Variants in TDRD10 observed in about 807,000 individuals in gnomAD.
The protein encoded by TDRD10 is tudor domain containing 10.
Under a neutral mutation model 48.0 loss-of-function variants are expected in TDRD10, and 40 were observed. That is an observed-to-expected ratio of 0.83 (90% CI 0.65 to 1.09). TDRD10 has a LOEUF of 1.09. Ranked by LOEUF, TDRD10 falls within the 50% of genes least tolerant of loss-of-function variation. The pLI, the probability that TDRD10 is intolerant of heterozygous loss-of-function variation, is 0.00. For missense variants in TDRD10, 378 were observed against 434.7 expected, an observed-to-expected ratio of 0.87 and a Z score of 1.16; for synonymous variants, 162 against 170.4, an observed-to-expected ratio of 0.95 and a Z score of 0.38.
At chr1:154,540,911 A>C (rs55908418) in intron 6 of TDRD10, among the ~76,000 whole-genome samples, 8,085 of 152,296 alleles carry the variant, frequency 0.053, 337 homozygotes, top group Middle Eastern at 0.13. Context: ...GAGGGAGCAG[A>C]GGGAATACTG....
At chr1:154,536,002 T>C (rs190920794) in intron 6 of TDRD10, among the ~76,000 whole-genome samples, 2 of 152,262 alleles carry the variant, frequency 1.3e-5, no homozygotes, top group Non-Finnish European at 2.9e-5. Context: ...GAAGAGCCAC[T>C]GGAGGTTATA....
At chr1:154,510,576 A>G (rs945276892) in intron 4 of TDRD10, among the ~76,000 whole-genome samples, 1 of 152,070 alleles carries the variant, frequency 6.6e-6, no homozygotes, top group African/African-American at 2.4e-5. Context: ...TGGGCGACAG[A>G]GCGAGACTCC....
intron 9 of TDRD10, 49 bp downstream of exon 9, chr1:154,544,159 G>T (rs929910624): frequency 6.2e-7 from 1 of 1,612,368 alleles, no homozygotes. Context: ...TTCCTGCGTG[G>T]CCTCCCTAGG....
intron 6 of TDRD10, 85 bp from the exon 7 acceptor site, chr1:154,541,939 C>A: frequency 2.2e-6 from 3 of 1,389,964 alleles, no homozygotes; most frequent in Non-Finnish European, 1.0e-6. Flanking sequence ...GCTCTGTCTC[C>A]CAGTCTACCT....
intron 6 of TDRD10, among the ~76,000 whole-genome samples, chr1:154,527,263 G>T (rs1039227835): frequency 8.5e-5 from 13 of 152,138 alleles, no homozygotes; most frequent in African/African-American, 3.1e-4. Context: ...CCACAGATAC[G>T]GAAGACCAAT....
Position 154,521,417 on chromosome 1 carries a change from A to C in TDRD10, c.307A>C (p.Asn103His), listed in dbSNP as rs201352821. ...CTTCCACAAGCGAAAACTGTTCGTG[A>C]ATACAAGCAAAAGGCCCCCCAAGAG... ...KLFHKRKLFV[N>H]TSKRPPKRTP... The change falls in exon 6 of 13, where the codon AAT becomes CAT. Residue 103 changes from asparagine to histidine, a missense_variant. Coordinates refer to ENST00000368482, the MANE Select transcript of TDRD10 (RefSeq NM_182499.4). 168 of 1,614,170 alleles carry C rather than the reference A, an allele frequency of 1.0e-4. No individual in the cohort carries two copies. The highest frequency in any genetic ancestry group is 1.4e-4 in the Non-Finnish European group (163 of 1,180,032).
At chr1:154,516,888 A>C (rs1693798601) in intron 4 of TDRD10, among the ~76,000 whole-genome samples, 2 of 152,192 alleles carry the variant, frequency 1.3e-5, no homozygotes, top group Admixed American at 6.5e-5. Flanking sequence ...CAGTGGCTGT[A>C]GTGAGCCAAG....
At chr1:154,509,769 G>A (rs929345453) in intron 4 of TDRD10, 53 of 983,928 alleles carry the variant, frequency 5.4e-5, no homozygotes, top group Non-Finnish European at 5.8e-5. Context: ...GCCTACTAGG[G>A]CTGGTTTTCC....
At chr1:154,542,899 G>A in intron 8 of TDRD10, 78 bp downstream of exon 8, 3 of 1,241,710 alleles carry the variant, frequency 2.4e-6, no homozygotes, top group Non-Finnish European at 3.5e-6. Flanking sequence ...TGGGGACAAG[G>A]ATAGTACTGG....
intron 7 of TDRD10, 123 bp downstream of exon 7, chr1:154,542,189 A>G (rs531456497): frequency 4.3e-6 from 4 of 940,810 alleles, no homozygotes; most frequent in Admixed American, 2.6e-5. Context: ...GTGTAGAAAT[A>G]TCCCTTTTCC....
intron 6 of TDRD10, chr1:154,541,791 C>T (rs41310893): frequency 0.032 from 15,201 of 473,426 alleles, 333 homozygotes; most frequent in Non-Finnish European, 0.043. Flanking sequence ...TGCTCCCTGG[C>T]AGCAGCCCTG....
At chr1:154,530,375 C>G (rs1694548465) in intron 6 of TDRD10, among the ~76,000 whole-genome samples, 1 of 143,648 alleles carries the variant, frequency 7.0e-6, no homozygotes, top group African/African-American at 2.6e-5. Flanking sequence ...GTACCACTTT[C>G]TTCTGGCTTC....
chr1:154,537,680 C>T (rs1197422623), intron 6 of TDRD10, among the ~76,000 whole-genome samples: 1 of 152,194 alleles, frequency 6.6e-6, no homozygotes, highest in Non-Finnish European at 1.5e-5. Flanking sequence ...TATGCAAGAA[C>T]TTCTCCCTGG....
intron 5 of TDRD10, 70 bp from the exon 6 acceptor site, chr1:154,521,253 G>C: frequency 6.5e-7 from 1 of 1,531,354 alleles, no homozygotes; most frequent in Non-Finnish European, 8.9e-7. Flanking sequence ...CTTGGGCTTG[G>C]TGCCTCCCTG....
intron 6 of TDRD10, among the ~76,000 whole-genome samples, chr1:154,534,350 T>C (rs574376474): frequency 2.8e-4 from 42 of 152,316 alleles, no homozygotes; most frequent in African/African-American, 9.6e-4. Flanking sequence ...AACAACCTAA[T>C]AGAAAAATGG....
At chr1:154,544,765 G>T in intron 10 of TDRD10, 30 bp from the exon 11 acceptor site, 1 of 1,610,230 alleles carries the variant, frequency 6.2e-7, no homozygotes, top group Non-Finnish European at 8.5e-7. Flanking sequence ...CGGAATGATT[G>T]TCCTCTGTCT....
intron 6 of TDRD10, among the ~76,000 whole-genome samples, chr1:154,526,302 A>C (rs972241748): frequency 1.3e-5 from 2 of 151,246 alleles, no homozygotes; most frequent in Admixed American, 6.6e-5. Flanking sequence ...GGATCACTGG[A>C]GCCTGGGAGG....
In TDRD10 at chr1:154,546,198, TG is replaced by T. The variant is rs542767788; in HGVS notation, c.953-1208del. Reference sequence around the variant, plus strand: ...AAGCGATTCTCCTGCCTCGGCCTCCTGGGTAGCTGAGATTACAGGCATGTGC... The same window carrying T: ...AAGCGATTCTCCTGCCTCGGCCTCCTGGTAGCTGAGATTACAGGCATGTGC... On this transcript the variant is annotated intron_variant, in intron 11 of 12. Transcript: ENST00000368482. Among the ~76,000 whole-genome samples the T allele has an allele frequency of 4.3e-3, 649 of 150,754 alleles. 5 individuals carry two copies. Among genetic ancestry groups the T allele is most frequent in the African/African-American group, 0.015 (609 of 41,074 alleles).
intron 11 of TDRD10, 40 bp downstream of exon 11, chr1:154,544,989 C>T (rs1488941749): frequency 6.2e-7 from 1 of 1,603,492 alleles, no homozygotes; most frequent in African/African-American, 1.3e-5. Flanking sequence ...GTTTCAGGGA[C>T]AGGAGAAGCC....
Sources: allele counts gnomAD v4.1 joint callset (sites outside exome capture counted in the v4.1 genomes callset), GRCh38; gene constraint gnomAD v4.1.1; transcripts MANE v1.5; gene names NCBI Gene and HGNC (gene_info 2026-07-23, HGNC 2026-07-21).